Variants in PDE4D observed in about 807,000 individuals in gnomAD.
PDE4D encodes 3',5'-cyclic-AMP phosphodiesterase 4D.
A neutral mutation model predicts 87.4 loss-of-function variants in PDE4D; 24 were observed. The observed-to-expected ratio is 0.27, with a 90% CI of 0.20 to 0.39. PDE4D has a LOEUF of 0.39. PDE4D is among the 10% of genes least tolerant of loss of function. The pLI is 1.00. For synonymous variants in PDE4D, 384 were observed against 383.2 expected (o/e 1.00, Z -0.02); for missense variants, 714 against 1,041.0 (o/e 0.69, Z 4.32).
chr5:59,532,513 T>C (rs1814424405), intron 1 of PDE4D, among the ~76,000 whole-genome samples: 1 of 152,206 alleles, frequency 6.6e-6, no homozygotes, highest in East Asian at 1.9e-4. Context: ...AATGAGACCA[T>C]CACTTTGCCC....
chr5:59,379,299 C>G (rs1173136322), intron 1 of PDE4D, among the ~76,000 whole-genome samples: 1 of 151,992 alleles, frequency 6.6e-6, no homozygotes, highest in Non-Finnish European at 1.5e-5. Flanking sequence ...AGAATCACAC[C>G]TAAAAAAGTG....
At chr5:60,412,410 G>T (rs1457704718) in intron 1 of PDE4D, among the ~76,000 whole-genome samples, 1 of 152,140 alleles carries the variant, frequency 6.6e-6, no homozygotes, top group African/African-American at 2.4e-5. Flanking sequence ...ACTCCATCTG[G>T]AGGTATTTGG....
At chr5:59,398,419 G>C (rs199969916) in intron 1 of PDE4D, among the ~76,000 whole-genome samples, 46,644 of 128,930 alleles carry the variant, frequency 0.36, 8,527 homozygotes, top group East Asian at 0.42. Context: ...TGCAAGGCTG[G>C]TTCAATATAC....
intron 1 of PDE4D, among the ~76,000 whole-genome samples, chr5:60,311,715 A>C (rs1004817095): frequency 6.6e-6 from 1 of 152,224 alleles, no homozygotes; most frequent in African/African-American, 2.4e-5. Context: ...CACACATGTC[A>C]ATGTTAACCT....
intron 1 of PDE4D, among the ~76,000 whole-genome samples, chr5:59,675,325 A>C (rs1488645606): frequency 2.0e-5 from 2 of 102,210 alleles, no homozygotes; most frequent in African/African-American, 5.7e-5. Context: ...ACTCCCACTC[A>C]TAATGTCACA....
intron 1 of PDE4D, among the ~76,000 whole-genome samples, chr5:59,496,355 T>C (rs1582865272): frequency 6.6e-6 from 1 of 152,046 alleles, no homozygotes; most frequent in South Asian, 2.1e-4. Flanking sequence ...GTAGGCTAGG[T>C]TGGTCTTGGG....
intron 1 of PDE4D, among the ~76,000 whole-genome samples, chr5:59,309,233 C>T (rs750512593): frequency 1.3e-5 from 2 of 152,266 alleles, no homozygotes; most frequent in Middle Eastern, 3.4e-3. Flanking sequence ...GGAGTCTGCA[C>T]GCCAGATGTG....
At chr5:60,480,046 G>C (rs1338530881) in intron 1 of PDE4D, among the ~76,000 whole-genome samples, 1 of 152,200 alleles carries the variant, frequency 6.6e-6, no homozygotes, top group Non-Finnish European at 1.5e-5. Context: ...TGATGCAGTA[G>C]AGCAGTCTGG....
intron 1 of PDE4D, among the ~76,000 whole-genome samples, chr5:59,636,323 T>C (rs554658204): frequency 5.3e-5 from 8 of 152,310 alleles, no homozygotes; most frequent in African/African-American, 1.9e-4. Context: ...AATTTATAGA[T>C]TCAATGCTAT....
chr5:59,477,214 G>A (rs1172027911), intron 1 of PDE4D, among the ~76,000 whole-genome samples: 1 of 151,658 alleles, frequency 6.6e-6, no homozygotes, highest in Admixed American at 6.6e-5. Flanking sequence ...GTACTGAGCA[G>A]CAGCAGCTAT....
chr5:59,773,475 A>G (rs1247480534), intron 1 of PDE4D, among the ~76,000 whole-genome samples: 2 of 152,194 alleles, frequency 1.3e-5, no homozygotes, highest in African/African-American at 4.8e-5. Flanking sequence ...TATTCTCAGC[A>G]TATACACTGA....
intron 5 of PDE4D, among the ~76,000 whole-genome samples, chr5:59,162,853 C>A (rs868339804): frequency 1.4e-3 from 171 of 121,542 alleles, no homozygotes; most frequent in African/African-American, 1.6e-3. Context: ...GACCCTGCAT[C>A]AAAAAAAAAA....
chr5:60,128,223 T>C (rs1253085600), intron 2 of PDE4D, among the ~76,000 whole-genome samples: 1 of 152,180 alleles, frequency 6.6e-6, no homozygotes, highest in Non-Finnish European at 1.5e-5. Flanking sequence ...TACAGAATAA[T>C]ACTGTCCAAA....
At chr5:60,492,124 TA>T (rs776940230), upstream of PDE4D, among the ~76,000 whole-genome samples, 4,966 of 130,256 alleles carry the variant, frequency 0.038, 185 homozygotes, top group African/African-American at 0.11. Flanking sequence ...AAAGTATAAT[TA>T]AAAAAAAAAA....
Position 60,193,721 on chromosome 5 carries a change from A to G in PDE4D, c.-89-8034T>C, listed in dbSNP as rs1002265975. Reference sequence around the variant, plus strand: ...AGAAAAAGAAAAAAAGAAAAGAAAAAGCTGTCACAATTTTCAAGAAAAATA... The same window carrying G: ...AGAAAAAGAAAAAAAGAAAAGAAAAGGCTGTCACAATTTTCAAGAAAAATA... On this transcript the variant is annotated intron_variant, in intron 1 of 16. Transcript: ENST00000502484. Among the ~76,000 whole-genome samples the G allele has an allele frequency of 1.5e-4, 23 of 150,974 alleles. No homozygotes were observed. In the South Asian group the frequency reaches 4.6e-3, roughly 30 times the overall value.
chr5:59,988,141 G>T, intron 3 of PDE4D: 1 of 184,800 alleles, frequency 5.4e-6, no homozygotes. Context: ...TTCTAGACAT[G>T]TATCACTACA....
chr5:59,683,004 A>G (rs909126655), intron 1 of PDE4D, among the ~76,000 whole-genome samples: 4 of 152,238 alleles, frequency 2.6e-5, no homozygotes, highest in African/African-American at 9.6e-5. Context: ...TACACAGAAC[A>G]TTATTGGGAC....
At chr5:60,286,196 T>G (rs1752400472) in intron 1 of PDE4D, among the ~76,000 whole-genome samples, 1 of 152,166 alleles carries the variant, frequency 6.6e-6, no homozygotes, top group South Asian at 2.1e-4. Context: ...GTTTAAGAAA[T>G]AGCAGAATTT....
chr5:59,345,251 C>T (rs1268011014), intron 1 of PDE4D, among the ~76,000 whole-genome samples: 1 of 151,930 alleles, frequency 6.6e-6, no homozygotes, highest in East Asian at 1.9e-4. Context: ...AGGAAAAGTC[C>T]AAAACATATT....
Sources: allele counts gnomAD v4.1 joint callset (sites outside exome capture counted in the v4.1 genomes callset), GRCh38; gene constraint gnomAD v4.1.1; transcripts MANE v1.5; gene names NCBI Gene and HGNC (gene_info 2026-07-23, HGNC 2026-07-21).